ARVCF: variants seen among roughly 807,000 people sequenced by gnomAD.
The protein encoded by ARVCF is ARVCF delta catenin family member, also known as splicing regulator ARVCF.
ARVCF carries 66 observed loss-of-function variants against 90.9 expected under a neutral mutation model. The ratio of observed to expected loss-of-function variants is 0.73; its 90% CI spans 0.60 to 0.89. ARVCF has a LOEUF of 0.89. Ranked by LOEUF, ARVCF falls within the 40% of genes least tolerant of loss-of-function variation. ARVCF has a pLI of 0.00. For missense variants in ARVCF, 1,469 were observed against 1,382.3 expected (o/e 1.06, Z -1.00); for synonymous variants, 653 against 603.4 (o/e 1.08, Z -1.21).
At chr22:19,968,703 C>T (rs1391980175), downstream of ARVCF, 4 of 1,613,166 alleles carry the variant, frequency 2.5e-6, no homozygotes, top group African/African-American at 5.3e-5. Flanking sequence ...AGAAGGCCAT[C>T]TACAAGGGCC....
intron 3 of ARVCF, chr22:19,987,041 C>A (rs967856060): frequency 1.5e-6 from 1 of 654,830 alleles, no homozygotes; most frequent in East Asian, 3.3e-5. Flanking sequence ...CGACCCCGGG[C>A]CAGGGTCCCC....
intron 6 of ARVCF, chr22:19,979,518 C>T (rs773201307): frequency 4.1e-5 from 28 of 681,514 alleles, no homozygotes; most frequent in Non-Finnish European, 6.2e-5. Flanking sequence ...AGGGGACATG[C>T]CCGAGGGGCG....
chr22:20,009,965 A>C (rs768356440), intron 2 of ARVCF, among the ~76,000 whole-genome samples: 17 of 152,248 alleles, frequency 1.1e-4, no homozygotes, highest in Non-Finnish European at 2.1e-4. Flanking sequence ...GCAAAATTGA[A>C]TTACTTACTA....
intron 2 of ARVCF, among the ~76,000 whole-genome samples, chr22:19,991,488 G>T (rs981428827): frequency 3.3e-5 from 5 of 152,270 alleles, no homozygotes; most frequent in African/African-American, 1.2e-4. Flanking sequence ...CCTGGTTGAG[G>T]TTCTGGCTGG....
intron 2 of ARVCF, among the ~76,000 whole-genome samples, chr22:20,007,402 AAAAC>A (rs765769065): frequency 3.9e-5 from 6 of 152,266 alleles, no homozygotes; most frequent in African/African-American, 9.6e-5. Context: ...ACTCCGTCTC[AAAAC>A]AAACAAACAA....
At chr22:19,972,518 T>C (rs1601567327) in intron 16 of ARVCF, 107 bp from the exon 17 acceptor site, 1 of 1,413,168 alleles carries the variant, frequency 7.1e-7, no homozygotes, top group East Asian at 2.4e-5. Context: ...TCTCTGTCAC[T>C]AAGGTGCCCA....
intron 3 of ARVCF, among the ~76,000 whole-genome samples, chr22:19,986,302 G>A (rs1438938375): frequency 6.6e-6 from 1 of 152,222 alleles, no homozygotes; most frequent in African/African-American, 2.4e-5. Context: ...CCAGGTAGCA[G>A]GTGTGTGGGA....
At chr22:19,989,690 GT>G (rs570508012) in intron 3 of ARVCF, among the ~76,000 whole-genome samples, 1 of 152,166 alleles carries the variant, frequency 6.6e-6, no homozygotes, top group Non-Finnish European at 1.5e-5. Context: ...TGGCTGCTGG[GT>G]TTAGCGGGGC....
intron 18 of ARVCF, among the ~76,000 whole-genome samples, chr22:19,971,682 G>GTGT (rs1404164870): frequency 1.3e-5 from 2 of 152,194 alleles, no homozygotes; most frequent in Non-Finnish European, 2.9e-5. Flanking sequence ...TGGCCGGGCA[G>GTGT]TGTTGTCCCC....
intron 1 of ARVCF, among the ~76,000 whole-genome samples, chr22:20,011,695 G>A (rs1365072112): frequency 2.6e-5 from 4 of 152,180 alleles, no homozygotes; most frequent in Admixed American, 6.5e-5. Flanking sequence ...GCCCGGTTGG[G>A]AGCCCATCCA....
At chr22:19,987,709 CT>C (rs991329922) in intron 3 of ARVCF, among the ~76,000 whole-genome samples, 4 of 152,056 alleles carry the variant, frequency 2.6e-5, no homozygotes, top group African/African-American at 9.7e-5. Context: ...CAGATCCCCC[CT>C]CACCCTCCTG....
At chr22:19,977,285 C>A in intron 9 of ARVCF, 130 bp downstream of exon 9, 1 of 1,279,666 alleles carries the variant, frequency 7.8e-7, no homozygotes, top group East Asian at 2.7e-5. Context: ...CCTGGCTTCC[C>A]TGCCTGCCTG....
chr22:20,001,412 C>T (rs1944440894), intron 2 of ARVCF, among the ~76,000 whole-genome samples: 1 of 152,214 alleles, frequency 6.6e-6, no homozygotes, highest in Non-Finnish European at 1.5e-5. Flanking sequence ...AGCCGCTTCC[C>T]GCTGAGTCAC....
intron 12 of ARVCF, 73 bp downstream of exon 12, chr22:19,974,039 G>C (rs1230792053): frequency 1.4e-5 from 22 of 1,543,298 alleles, no homozygotes; most frequent in Non-Finnish European, 1.6e-5. Context: ...AGCCGAGGCA[G>C]GAGCTGCACC....
At chr22:19,980,340 C>G in intron 5 of ARVCF, 98 bp from the exon 6 acceptor site, 1 of 1,431,282 alleles carries the variant, frequency 7.0e-7, no homozygotes, top group South Asian at 1.5e-5. Flanking sequence ...GCAAACTCAC[C>G]CAGCAGCGCT....
At chr22:20,011,341 G>A (rs1944823597) in intron 1 of ARVCF, among the ~76,000 whole-genome samples, 2 of 152,200 alleles carry the variant, frequency 1.3e-5, no homozygotes. Context: ...GGGAAGGGCT[G>A]GGCCTCGGAT....
At chr22:19,986,934 C>G in intron 3 of ARVCF, 1 of 535,886 alleles carries the variant, frequency 1.9e-6, no homozygotes, top group Non-Finnish European at 3.3e-6. Flanking sequence ...CTGACGCAGC[C>G]CAGCCAGGGG....
rs766144193 is a variant in ARVCF, at chr22:19,980,215, G to A, written c.924C>T (p.Gly308=). The stretch of plus-strand genomic sequence containing the variant: ...CAGGCCGCTCGTCCGCCAGCTCGCC[G>A]CCATCATCTGCTGTGTCCTCGTAGG... ...TRAYEDTADD[G]GELADERPAF... Residue 308 remains glycine (G), a synonymous_variant, in exon 6 of 20, where the codon GGC becomes GGT. Coordinates refer to ENST00000263207, the MANE Select transcript of ARVCF (RefSeq NM_001670.3). The A allele has an allele frequency of 3.9e-6, 6 of 1,540,636 alleles. No individual in the cohort carries two copies. Among genetic ancestry groups the A allele is most frequent in the East Asian group, 4.6e-5 (2 of 43,916 alleles).
At chr22:19,996,440 C>G (rs116358086) in intron 2 of ARVCF, among the ~76,000 whole-genome samples, 1,778 of 152,316 alleles carry the variant, frequency 0.012, 39 homozygotes, top group African/African-American at 0.041. Context: ...GACCATGACT[C>G]CAGCATGGTG....
Sources: allele counts gnomAD v4.1 joint callset (sites outside exome capture counted in the v4.1 genomes callset), GRCh38; gene constraint gnomAD v4.1.1; transcripts MANE v1.5; gene names NCBI Gene and HGNC (gene_info 2026-07-23, HGNC 2026-07-21).